ITCH: variants seen among roughly 807,000 people sequenced by gnomAD.
The protein encoded by ITCH is E3 ubiquitin-protein ligase Itchy homolog.
ITCH carries 28 observed loss-of-function variants against 126.8 expected under a neutral mutation model. The observed-to-expected ratio is 0.22, with a 90% CI of 0.16 to 0.30. ITCH has a LOEUF of 0.30. Ranked by LOEUF, ITCH falls within the 10% of genes least tolerant of loss-of-function variation. ITCH has a pLI of 1.00. For synonymous variants in ITCH, 342 were observed against 340.0 expected (o/e 1.01, Z -0.06); for missense variants, 631 against 1,032.4 (o/e 0.61, Z 5.33).
intron 17 of ITCH, 100 bp from the exon 18 acceptor site, chr20:34,479,530 C>A: frequency 2.2e-6 from 2 of 894,748 alleles, no homozygotes; most frequent in Non-Finnish European, 3.6e-6. Flanking sequence ...AAAACTATCA[C>A]TAGCTGAGGG....
At chr20:34,489,135 A>G (rs1219529521) in intron 20 of ITCH, 131 bp from the exon 21 acceptor site, 4 of 681,204 alleles carry the variant, frequency 5.9e-6, no homozygotes, top group Admixed American at 2.5e-5. Flanking sequence ...ACATGTGTAC[A>G]GGGGGTTCAT....
intron 6 of ITCH, among the ~76,000 whole-genome samples, chr20:34,423,482 A>G (rs560578158): frequency 2.6e-5 from 4 of 152,308 alleles, no homozygotes; most frequent in South Asian, 4.1e-4. Flanking sequence ...CCTTTACTAA[A>G]TGGACCTAGG....
At chr20:34,438,714 T>G in intron 8 of ITCH, 83 bp downstream of exon 8, 1 of 1,499,406 alleles carries the variant, frequency 6.7e-7, no homozygotes, top group South Asian at 1.1e-5. Flanking sequence ...GAAATTCTTT[T>G]AGGTGAATTT....
chr20:34,411,354 A>T (rs1601836524), intron 4 of ITCH, among the ~76,000 whole-genome samples: 1 of 152,028 alleles, frequency 6.6e-6, no homozygotes. Context: ...GGGTTTCACC[A>T]TGTTGGCCAG....
chr20:34,412,249 G>T (rs185810561), intron 4 of ITCH, among the ~76,000 whole-genome samples: 20 of 152,198 alleles, frequency 1.3e-4, no homozygotes, highest in Admixed American at 2.6e-4. Flanking sequence ...ATAGTTTGTT[G>T]CAGGATAAGC....
rs1379263538 is a variant in ITCH at position 34,503,463 on chromosome 20, T to C, written c.2417-868T>C. Among the ~76,000 whole-genome samples, 6 of 152,224 alleles carry C rather than the reference T, an allele frequency of 3.9e-5. No homozygotes were observed. In the South Asian group the frequency reaches 8.3e-4, roughly 21 times the overall value. ...GGCAAGTATTTTATGTTTATACTTGTATCTGTTTTTGTAAGGGTATGCCCT... is the reference window on the plus strand; with the variant it reads ...GGCAAGTATTTTATGTTTATACTTGCATCTGTTTTTGTAAGGGTATGCCCT... On this transcript the variant is annotated intron_variant, in intron 23 of 24. Transcript: ENST00000374864.
intron 16 of ITCH, among the ~76,000 whole-genome samples, chr20:34,474,266 A>AC (rs1160031014): frequency 6.6e-6 from 1 of 152,190 alleles, no homozygotes; most frequent in Non-Finnish European, 1.5e-5. Flanking sequence ...GCAGATAAAC[A>AC]AGTGAACAAA....
intron 23 of ITCH, among the ~76,000 whole-genome samples, chr20:34,501,662 C>T (rs1990253011): frequency 6.6e-6 from 1 of 151,890 alleles, no homozygotes; most frequent in South Asian, 2.1e-4. Flanking sequence ...GTAATCCCAG[C>T]TACTCAGGAG....
intron 2 of ITCH, among the ~76,000 whole-genome samples, chr20:34,385,718 T>C (rs144766630): frequency 6.6e-6 from 1 of 152,324 alleles, no homozygotes; most frequent in Non-Finnish European, 1.5e-5. Flanking sequence ...TAGCTTCCTC[T>C]TTTTCTCTTT....
At chr20:34,465,075 A>G (rs1214412388) in intron 14 of ITCH, among the ~76,000 whole-genome samples, 1 of 152,182 alleles carries the variant, frequency 6.6e-6, no homozygotes. Flanking sequence ...AATTTTGTAT[A>G]TGGTGTTGGG....
intron 6 of ITCH, among the ~76,000 whole-genome samples, chr20:34,423,450 AT>A (rs1396743129): frequency 1.3e-5 from 2 of 152,156 alleles, no homozygotes; most frequent in Non-Finnish European, 2.9e-5. Flanking sequence ...TTAAACTATG[AT>A]TCTATCCAGG....
chr20:34,433,891 TTGG>T (rs1883661418), intron 7 of ITCH, among the ~76,000 whole-genome samples: 1 of 152,188 alleles, frequency 6.6e-6, no homozygotes, highest in Non-Finnish European at 1.5e-5. Context: ...GTCCTATGTC[TTGG>T]TGGTAATTAT....
chr20:34,464,570 G>T (rs575407342), intron 14 of ITCH, among the ~76,000 whole-genome samples: 155 of 151,596 alleles, frequency 1.0e-3, no homozygotes, highest in Non-Finnish European at 1.9e-3. Flanking sequence ...CAGGTGATCC[G>T]CCCGCCTCAG....
At chr20:34,500,711 A>C (rs1460059865) in intron 23 of ITCH, among the ~76,000 whole-genome samples, 1 of 152,120 alleles carries the variant, frequency 6.6e-6, no homozygotes, top group African/African-American at 2.4e-5. Flanking sequence ...TGTCATTTTT[A>C]AAATTACTTT....
intron 12 of ITCH, among the ~76,000 whole-genome samples, chr20:34,453,509 G>A (rs1423649422): frequency 1.3e-5 from 2 of 152,018 alleles, no homozygotes; most frequent in South Asian, 2.1e-4. Flanking sequence ...AAGTGGGAGG[G>A]TTGCTTGAGC....
At chr20:34,480,961 A>T in intron 19 of ITCH, 105 bp from the exon 20 acceptor site, 1 of 1,203,450 alleles carries the variant, frequency 8.3e-7, no homozygotes, top group Non-Finnish European at 1.2e-6. Context: ...TTTTGATGTT[A>T]TAGCTTAATA....
At chr20:34,456,158 TTGTGTGTG>T (rs1161624865) in intron 12 of ITCH, among the ~76,000 whole-genome samples, 5 of 47,710 alleles carry the variant, frequency 1.0e-4, no homozygotes, top group African/African-American at 4.1e-4. Flanking sequence ...TTTTTATATA[TTGTGTGTG>T]TGTGTGTGTG....
In ITCH at chr20:34,462,224, A is replaced by G; in HGVS notation, c.1424+3A>G. On this transcript the variant is annotated splice_donor_region_variant and intron_variant, in intron 14 of 24. Coordinates refer to ENST00000374864, the MANE Select transcript of ITCH (RefSeq NM_031483.7). ...CCCCGCACAGGAAAATCTGCCCTGT[A>G]AGTTTTCTAAACATTGTAGATTAAG... is the stretch of plus-strand genomic sequence containing the variant. The G allele has an allele frequency of 1.4e-5, 23 of 1,613,444 alleles. No individual in the cohort carries two copies. The highest frequency in any genetic ancestry group is 2.0e-5 in the Non-Finnish European group (23 of 1,179,456).
intron 7 of ITCH, among the ~76,000 whole-genome samples, chr20:34,426,948 G>C (rs1051868893): frequency 6.6e-6 from 1 of 151,304 alleles, no homozygotes; most frequent in Admixed American, 6.6e-5. Flanking sequence ...CTAATTTTTT[G>C]TATTTTTAGT....
Sources: allele counts gnomAD v4.1 joint callset (sites outside exome capture counted in the v4.1 genomes callset), GRCh38; gene constraint gnomAD v4.1.1; transcripts MANE v1.5; gene names NCBI Gene and HGNC (gene_info 2026-07-23, HGNC 2026-07-21).